Variants in NHERF1 observed in about 807,000 individuals in gnomAD.
The protein encoded by NHERF1 is Na(+)/H(+) exchange regulatory cofactor NHE-RF1.
At chr17:74,750,619 G>A in the NHERF1 span, among the ~76,000 whole-genome samples, 4 of 152,174 alleles carry the variant, frequency 2.6e-5, no homozygotes, top group South Asian at 2.1e-4. Flanking sequence ...CTGAGCACCC[G>A]GAGCAAGGAG....
the NHERF1 span, among the ~76,000 whole-genome samples, chr17:74,765,508 T>A: frequency 1.3e-5 from 2 of 150,840 alleles, no homozygotes; most frequent in Non-Finnish European, 2.9e-5. Context: ...TCCGCCCACC[T>A]CGGCCTCCCA....
At chr17:74,757,536 A>G in the NHERF1 span, among the ~76,000 whole-genome samples, 1 of 152,062 alleles carries the variant, frequency 6.6e-6, no homozygotes, top group South Asian at 2.1e-4. Flanking sequence ...AGGTGTGGAC[A>G]CTGGCTGAGT....
At chr17:74,756,257 T>TTTTC in the NHERF1 span, among the ~76,000 whole-genome samples, 129 of 134,644 alleles carry the variant, frequency 9.6e-4, 1 homozygote, top group African/African-American at 2.5e-3. Flanking sequence ...CCTATTTTTC[T>TTTTC]TTTCTTTCTT....
chr17:74,748,962 T>C, the NHERF1 span: 1 of 1,606,734 alleles, frequency 6.2e-7, no homozygotes, highest in East Asian at 2.2e-5. This position sits in a 1 kb window ranked among gnomAD's most constrained non-coding sequence, Gnocchi z 4.3. Flanking sequence ...GGCCAGTACA[T>C]CCGGCTGGTG....
the NHERF1 span, among the ~76,000 whole-genome samples, chr17:74,750,398 C>T: frequency 6.6e-6 from 1 of 152,120 alleles, no homozygotes; most frequent in Non-Finnish European, 1.5e-5. Flanking sequence ...TGGGAGTGTC[C>T]GTGGGGCTAC....
At chr17:74,762,127 C>A in the NHERF1 span, 2 of 1,614,146 alleles carry the variant, frequency 1.2e-6, no homozygotes, top group South Asian at 1.1e-5. The surrounding 1 kb of genome is among the most constrained non-coding windows in gnomAD (Gnocchi z 4.2). Context: ...GACCCAGACT[C>A]CCCGGCTGAG....
the NHERF1 span, among the ~76,000 whole-genome samples, chr17:74,758,728 C>G: frequency 0.012 from 1,784 of 152,326 alleles, 17 homozygotes; most frequent in South Asian, 0.032. The surrounding 1 kb of genome is among the most constrained non-coding windows in gnomAD (Gnocchi z 4.3). Context: ...CTGGACGTCA[C>G]TCCCATTTAT....
the NHERF1 span, among the ~76,000 whole-genome samples, chr17:74,766,586 T>A: frequency 6.6e-6 from 1 of 152,012 alleles, no homozygotes; most frequent in Non-Finnish European, 1.5e-5. Flanking sequence ...TGTGAAACTT[T>A]TATCACACAA....
the NHERF1 span, among the ~76,000 whole-genome samples, chr17:74,761,384 A>C: frequency 6.6e-6 from 1 of 152,114 alleles, no homozygotes; most frequent in Non-Finnish European, 1.5e-5. This position sits in a 1 kb window ranked among gnomAD's most constrained non-coding sequence, Gnocchi z 4.3. Context: ...TGCTGTGCTG[A>C]ACAATAAGTT....
At chr17:74,766,033 GTTCCCAGGTAGGAA>G in the NHERF1 span, among the ~76,000 whole-genome samples, 7 of 152,138 alleles carry the variant, frequency 4.6e-5, no homozygotes, top group Non-Finnish European at 1.0e-4. Context: ...CCACGTAGGA[GTTCCCAGGTAGGAA>G]TTCCCAGGTA....
the NHERF1 span, among the ~76,000 whole-genome samples, chr17:74,757,544 A>G: frequency 6.6e-6 from 1 of 152,074 alleles, no homozygotes; most frequent in Non-Finnish European, 1.5e-5. Flanking sequence ...ACACTGGCTG[A>G]GTGCCTGGAG....
the NHERF1 span, among the ~76,000 whole-genome samples, chr17:74,751,858 C>T: frequency 6.6e-6 from 1 of 152,252 alleles, no homozygotes; most frequent in South Asian, 2.1e-4. The surrounding 1 kb of genome is among the most constrained non-coding windows in gnomAD (Gnocchi z 4.3). Flanking sequence ...GTTACCTCAC[C>T]TCTGTAAGCC....
At chr17:74,763,937 GC>G in the NHERF1 span, among the ~76,000 whole-genome samples, 8 of 152,182 alleles carry the variant, frequency 5.3e-5, no homozygotes, top group Non-Finnish European at 8.8e-5. Flanking sequence ...AGTGACGGGG[GC>G]CGGTGCCTCC....
chr17:74,766,891 T>C, the NHERF1 span: 1 of 1,604,084 alleles, frequency 6.2e-7, no homozygotes, highest in Non-Finnish European at 8.5e-7. Flanking sequence ...CCACGCTCTA[T>C]TCCATCCCCG....
At chr17:74,756,273 C>CTTTTTTTTTTTTTTTTTTTTTTTTTTTT in the NHERF1 span, among the ~76,000 whole-genome samples, 4 of 71,992 alleles carry the variant, frequency 5.6e-5, no homozygotes, top group Non-Finnish European at 9.9e-5. Flanking sequence ...TTCTTTCTTT[C>CTTTTTTTTTTTTTTTTTTTTTTTTTTTT]TTTTTTTTTT....
the NHERF1 span, chr17:74,768,982 C>CT: frequency 2.5e-6 from 1 of 398,706 alleles, no homozygotes; most frequent in South Asian, 2.5e-5. Context: ...GAGAGGGCAC[C>CT]CTCCCTTCCT....
the NHERF1 span, among the ~76,000 whole-genome samples, chr17:74,762,452 G>A: frequency 2.0e-5 from 3 of 152,304 alleles, no homozygotes; most frequent in Non-Finnish European, 1.5e-5. This position sits in a 1 kb window ranked among gnomAD's most constrained non-coding sequence, Gnocchi z 4.2. Context: ...TTCACCCATC[G>A]ATCAGGGAGA....
chr17:74,763,583 C>G, the NHERF1 span: 3 of 1,520,584 alleles, frequency 2.0e-6, no homozygotes, highest in Non-Finnish European at 2.7e-6. Context: ...GGATGTGAGC[C>G]AGGGCTAAGA....
the NHERF1 span, among the ~76,000 whole-genome samples, chr17:74,750,431 A>G: frequency 6.6e-6 from 1 of 152,172 alleles, no homozygotes. Flanking sequence ...GGACAGAGAA[A>G]GGGCACAGTT....
Sources: gnomAD v4.1 joint callset for allele counts (sites outside exome capture counted in the v4.1 genomes callset) on GRCh38, gnomAD v4.1.1 for gene constraint, Gnocchi (gnomAD v3.1) non-coding constraint, MANE v1.5 for transcripts, NCBI Gene and HGNC (gene_info 2026-07-23, HGNC 2026-07-21) for gene names.